PARD3: variants seen among roughly 807,000 people sequenced by gnomAD.
PARD3 encodes the protein partitioning defective 3 homolog.
PARD3 carries 75 observed loss-of-function variants against 155.4 expected under a neutral mutation model. That is an observed-to-expected ratio of 0.48 (90% CI 0.40 to 0.58). The LOEUF (loss-of-function observed/expected upper bound fraction) is 0.58. Among genes scored for constraint, PARD3 ranks in the 20% least tolerant of loss-of-function variants. The probability of loss-of-function intolerance (pLI) is 0.00; values close to 1 mark genes in which losing one functional copy is unlikely to be tolerated. For missense variants in PARD3, 1,642 were observed against 1,721.7 expected (o/e 0.95, Z 0.82); for synonymous variants, 576 against 610.5 (o/e 0.94, Z 0.83).
At position 34,177,963 on chromosome 10, in the gene PARD3, C is replaced by T. The variant is rs529660659; in HGVS notation, c.3420-46380G>A. ...TAAAGTTATTGACACAAATTACTAT[C>T]ACTGGTCCAGAGACATACTATTGCA... is the stretch of plus-strand genomic sequence containing the variant. On this transcript the variant is annotated intron_variant, in intron 22 of 24. Coordinates refer to ENST00000374788, the MANE Select transcript of PARD3 (RefSeq NM_001184785.2). Among the ~76,000 whole-genome samples the T allele has an allele frequency of 6.6e-5, 10 of 152,298 alleles. No individual in the cohort carries two copies. In the East Asian group the frequency reaches 1.2e-3, roughly 18 times the overall value.
At chr10:34,670,389 G>C (rs921301624) in intron 2 of PARD3, among the ~76,000 whole-genome samples, 1 of 152,248 alleles carries the variant, frequency 6.6e-6, no homozygotes, top group Non-Finnish European at 1.5e-5. Flanking sequence ...TGAGCACAGG[G>C]CATATGCTCA....
chr10:34,718,305 A>T (rs1245618189), intron 1 of PARD3, among the ~76,000 whole-genome samples: 2 of 152,180 alleles, frequency 1.3e-5, no homozygotes, highest in African/African-American at 4.8e-5. Flanking sequence ...ACGCTTCATG[A>T]AGAAATGGTC....
At chr10:34,349,844 ACTT>A (rs969804251) in intron 14 of PARD3, among the ~76,000 whole-genome samples, 4 of 152,170 alleles carry the variant, frequency 2.6e-5, no homozygotes, top group Admixed American at 6.5e-5. Flanking sequence ...CCTTTATAAA[ACTT>A]CTTCTTGAGA....
chr10:34,275,017 A>G (rs540592557), intron 21 of PARD3, among the ~76,000 whole-genome samples: 21 of 152,166 alleles, frequency 1.4e-4, no homozygotes, highest in Non-Finnish European at 2.6e-4. Flanking sequence ...TAACAAGTCA[A>G]TCTCTCAAAA....
intron 3 of PARD3, among the ~76,000 whole-genome samples, chr10:34,515,045 C>A (rs2081625636): frequency 6.6e-6 from 1 of 152,136 alleles, no homozygotes. Context: ...TATCTGAATA[C>A]CTGAACTACT....
intron 22 of PARD3, among the ~76,000 whole-genome samples, chr10:34,234,969 C>G (rs544711655): frequency 6.6e-6 from 1 of 152,240 alleles, no homozygotes; most frequent in South Asian, 2.1e-4. Context: ...TAGTCCATGG[C>G]GGATTCTTTA....
At chr10:34,152,507 T>C (rs1948825075) in intron 22 of PARD3, among the ~76,000 whole-genome samples, 1 of 152,208 alleles carries the variant, frequency 6.6e-6, no homozygotes, top group South Asian at 2.1e-4. Context: ...TGTGGTATTA[T>C]AATCTTATGG....
intron 1 of PARD3, among the ~76,000 whole-genome samples, chr10:34,766,618 A>C (rs1838132201): frequency 3.9e-5 from 1 of 25,702 alleles, no homozygotes; most frequent in Non-Finnish European, 7.0e-5. Flanking sequence ...CTTAATTGAC[A>C]AAAAAAAAAA....
chr10:34,670,378 G>T (rs944109756), intron 2 of PARD3, among the ~76,000 whole-genome samples: 1 of 152,236 alleles, frequency 6.6e-6, no homozygotes, highest in African/African-American at 2.4e-5. Context: ...TCTTACTGGG[G>T]TGAGCACAGG....
At chr10:34,722,228 T>A (rs894739074) in intron 1 of PARD3, among the ~76,000 whole-genome samples, 4 of 151,904 alleles carry the variant, frequency 2.6e-5, no homozygotes, top group Admixed American at 6.6e-5. Flanking sequence ...TTATATATTT[T>A]TATATATATA....
chr10:34,702,450 C>T (rs930396826), intron 1 of PARD3, among the ~76,000 whole-genome samples: 1 of 152,118 alleles, frequency 6.6e-6, no homozygotes, highest in Non-Finnish European at 1.5e-5. Flanking sequence ...ATTAAAGCCC[C>T]AGCTTCCCAA....
intron 3 of PARD3, among the ~76,000 whole-genome samples, chr10:34,483,362 G>A (rs144790249): frequency 1.7e-3 from 264 of 151,734 alleles, no homozygotes; most frequent in Non-Finnish European, 2.8e-3. Context: ...CGCATCTGTG[G>A]TCCCAGCTAC....
chr10:34,227,627 A>G (rs1456044547), intron 22 of PARD3, among the ~76,000 whole-genome samples: 1 of 152,100 alleles, frequency 6.6e-6, no homozygotes, highest in Non-Finnish European at 1.5e-5. Flanking sequence ...AACAAGAGCG[A>G]AACTCTGTCT....
intron 5 of PARD3, among the ~76,000 whole-genome samples, chr10:34,449,586 A>C (rs1400820849): frequency 6.7e-6 from 1 of 150,302 alleles, no homozygotes; most frequent in Non-Finnish European, 1.5e-5. Context: ...ATGTACCCTA[A>C]AACTTAAAGT....
At chr10:34,665,664 C>CT (rs2133192977) in intron 2 of PARD3, among the ~76,000 whole-genome samples, 1 of 152,112 alleles carries the variant, frequency 6.6e-6, no homozygotes, top group African/African-American at 2.4e-5. Flanking sequence ...ATGGTGAAAC[C>CT]CCACCTCTAC....
intron 22 of PARD3, among the ~76,000 whole-genome samples, chr10:34,201,431 G>T (rs1464954964): frequency 6.6e-6 from 1 of 152,098 alleles, no homozygotes; most frequent in African/African-American, 2.4e-5. Context: ...AGCGTAAAAA[G>T]TTTATTTAAA....
chr10:34,347,095 T>C (rs1837509867), intron 15 of PARD3, among the ~76,000 whole-genome samples: 1 of 152,268 alleles, frequency 6.6e-6, no homozygotes, highest in Non-Finnish European at 1.5e-5. Context: ...TAAATCTGCA[T>C]TAAATGTACT....
At chr10:34,677,024 G>A (rs576920052) in intron 2 of PARD3, among the ~76,000 whole-genome samples, 21 of 152,212 alleles carry the variant, frequency 1.4e-4, no homozygotes, top group Admixed American at 1.2e-3. Context: ...ATATCACATC[G>A]AAGAAAATCA....
chr10:34,320,445 C>T (rs1327470841), intron 19 of PARD3, among the ~76,000 whole-genome samples: 1 of 152,158 alleles, frequency 6.6e-6, no homozygotes, highest in Non-Finnish European at 1.5e-5. Context: ...ATGATTTAGT[C>T]TTCCACAGCA....
Sources: gnomAD v4.1 joint callset for allele counts (sites outside exome capture counted in the v4.1 genomes callset) on GRCh38, gnomAD v4.1.1 for gene constraint, MANE v1.5 for transcripts, NCBI Gene and HGNC (gene_info 2026-07-23, HGNC 2026-07-21) for gene names.